The following AK9 variants were observed in gnomAD, a reference collection of about 807,000 sequenced individuals.
AK9 encodes adenylate kinase 9, also known as adenylate kinase domain containing 1.
AK9 carries 191 observed loss-of-function variants against 239.6 expected under a neutral mutation model. The observed-to-expected ratio is 0.80, with a 90% CI of 0.71 to 0.90. The LOEUF (loss-of-function observed/expected upper bound fraction) is 0.90, where lower values mean the gene tolerates loss of function less well. AK9 is among the 40% of genes least tolerant of loss of function. The probability of loss-of-function intolerance (pLI) is 0.00; values close to 1 mark genes in which losing one functional copy is unlikely to be tolerated. For missense variants in AK9, 1,995 were observed against 2,214.7 expected, an observed-to-expected ratio of 0.90 and a Z score of 1.99; for synonymous variants, 689 against 721.0, an observed-to-expected ratio of 0.96 and a Z score of 0.71.
intron 20 of AK9, 126 bp from the exon 21 acceptor site, chr6:109,573,720 TA>T (rs759924721): frequency 1.1e-5 from 9 of 855,010 alleles, no homozygotes; most frequent in African/African-American, 1.7e-5. Context: ...GTATGTAGTT[TA>T]ATGGGGGAGA....
chr6:109,647,980 T>C (rs1798318573), intron 8 of AK9, among the ~76,000 whole-genome samples: 1 of 152,142 alleles, frequency 6.6e-6, no homozygotes, highest in Non-Finnish European at 1.5e-5. Context: ...AACCTGCTCC[T>C]GAATGACTAC....
chr6:109,618,730 A>G (rs1794476702), intron 13 of AK9, among the ~76,000 whole-genome samples: 1 of 152,206 alleles, frequency 6.6e-6, no homozygotes, highest in Admixed American at 6.5e-5. Flanking sequence ...GGACTGCCAT[A>G]TAAGTCTAAA....
At chr6:109,509,464 T>A in intron 32 of AK9, 84 bp from the exon 33 acceptor site, 1 of 1,216,202 alleles carries the variant, frequency 8.2e-7, no homozygotes, top group Non-Finnish European at 1.1e-6. Flanking sequence ...GGGTATATTG[T>A]GTGATGCTCA....
Position 109,579,533 on chromosome 6 carries a change from T to C in AK9, c.2191+17A>G, listed in dbSNP as rs1788551221. ...CAATACCATGACACATCATCAGTCA[T>C]AGCAATCTGTGCTTGCCTTTTGCCT... On this transcript the variant is annotated intron_variant, in intron 20 of 40. Transcript: ENST00000424296. 5.2e-6 allele frequency: 8 copies of C among 1,546,750 alleles called. No individual in the cohort carries two copies. The highest frequency in any genetic ancestry group is 2.0e-5 in the Admixed American group (1 of 50,650).
At chr6:109,599,358 C>A (rs4945835) in intron 17 of AK9, among the ~76,000 whole-genome samples, 83,969 of 151,744 alleles carry the variant, frequency 0.55, 24,799 homozygotes, top group South Asian at 0.78. Context: ...TTGTTTTTGT[C>A]AGGTTTGTCA....
At chr6:109,495,975 C>T (rs1344778995) in intron 38 of AK9, among the ~76,000 whole-genome samples, 2 of 150,992 alleles carry the variant, frequency 1.3e-5, no homozygotes, top group African/African-American at 4.9e-5. Flanking sequence ...CTTCATAATT[C>T]CCCATTTAAA....
At chr6:109,572,053 G>C (rs997025411) in intron 21 of AK9, among the ~76,000 whole-genome samples, 2 of 152,132 alleles carry the variant, frequency 1.3e-5, no homozygotes, top group African/African-American at 4.8e-5. Context: ...TGATACAGCT[G>C]ATCTACCACC....
intron 32 of AK9, among the ~76,000 whole-genome samples, chr6:109,511,061 T>G (rs1778688303): frequency 1.8e-5 from 1 of 54,836 alleles, no homozygotes; most frequent in Non-Finnish European, 3.1e-5. Flanking sequence ...AATCTGCTTG[T>G]TTTTTTTTTT....
chr6:109,659,209 T>G lies in AK9; in HGVS notation c.630+19A>C, dbSNP rs544636678. 1.9e-6 allele frequency: 3 copies of G among 1,554,010 alleles called. No homozygotes were observed. The Admixed American group carries it at 6.3e-5, about 32-fold the overall frequency. ...TTTTAAAAAGTGTAGTGTATGGTAGTTACCTATTGAGATATTACCTCTTCT... is the reference window on the plus strand; with the variant it reads ...TTTTAAAAAGTGTAGTGTATGGTAGGTACCTATTGAGATATTACCTCTTCT... On this transcript the variant is annotated intron_variant, in intron 7 of 40. Transcript: ENST00000424296.
chr6:109,640,557 C>T (rs1216817418), intron 10 of AK9, among the ~76,000 whole-genome samples: 1 of 147,306 alleles, frequency 6.8e-6, no homozygotes, highest in Admixed American at 7.0e-5. Flanking sequence ...CCTATTTGGC[C>T]ATCTTGGAAC....
At position 109,533,440 on chromosome 6, in the gene AK9, T is replaced by TG. The variant is rs1321733501; in HGVS notation, c.3380dup (p.Arg1128ThrfsTer25). 1.9e-6 allele frequency: 3 copies of TG among 1,604,004 alleles called. No homozygotes were observed. The highest frequency in any genetic ancestry group is 1.7e-4 in the Middle Eastern group (1 of 6,006). On this transcript the variant is annotated frameshift_variant, in exon 28 of 41. Coordinates refer to ENST00000424296, the MANE Select transcript of AK9 (RefSeq NM_001145128.3). LOFTEE classifies it high-confidence loss of function. Reference sequence around the variant, plus strand: ...AAAACTGGGCCTCTTCTGGATATCGTGGGAAACCATCTAATATAAAACCTG... The same window carrying TG: ...AAAACTGGGCCTCTTCTGGATATCGTGGGGAAACCATCTAATATAAAACCTG...
intron 27 of AK9, among the ~76,000 whole-genome samples, chr6:109,538,003 C>T (rs553613059): frequency 2.0e-5 from 3 of 152,246 alleles, no homozygotes; most frequent in Non-Finnish European, 4.4e-5. Flanking sequence ...TTTACATTTG[C>T]TGAGGAGTTC....
intron 21 of AK9, among the ~76,000 whole-genome samples, chr6:109,568,268 G>A (rs779666488): frequency 8.5e-5 from 13 of 152,150 alleles, no homozygotes; most frequent in South Asian, 6.2e-4. Context: ...AGTTATTGAT[G>A]AGACGTATCT....
rs1554255494 is a variant in AK9 at position 109,559,175 on chromosome 6, T to TTG, written c.2751+4421_2751+4422insCA. Among the ~76,000 whole-genome samples, 744 of 150,882 alleles carry TTG rather than the reference T, an allele frequency of 4.9e-3. 4 individuals are homozygous for TTG. Among genetic ancestry groups the TTG allele is most frequent in the Admixed American group, 9.0e-3 (137 of 15,184 alleles). ...CCATGGTATATCTATCTGTTTTTTTTTTTGTTTTTTTGAGATGGGGTCTCT... is the reference window on the plus strand; with the variant it reads ...CCATGGTATATCTATCTGTTTTTTTTTGTTTGTTTTTTTGAGATGGGGTCTCT... On this transcript the variant is annotated intron_variant, in intron 24 of 40. Transcript: ENST00000424296.
chr6:109,499,565 G>T (rs11967927), intron 35 of AK9, among the ~76,000 whole-genome samples: 3,168 of 151,672 alleles, frequency 0.021, 99 homozygotes, highest in African/African-American at 0.073. Flanking sequence ...GTCAGTTATG[G>T]TCTTTGACCT....
At chr6:109,500,118 TA>T (rs1278929895) in intron 35 of AK9, among the ~76,000 whole-genome samples, 1 of 151,184 alleles carries the variant, frequency 6.6e-6, no homozygotes, top group African/African-American at 2.4e-5. Context: ...TTGCTACATT[TA>T]AAAAAAACCT....
At chr6:109,623,906 TTTC>T (rs1014066349) in intron 12 of AK9, among the ~76,000 whole-genome samples, 2 of 115,666 alleles carry the variant, frequency 1.7e-5, no homozygotes, top group Non-Finnish European at 3.7e-5. Flanking sequence ...CACACACACA[TTTC>T]TTCTCCCACA....
chr6:109,648,830 C>T (rs1467072552), intron 8 of AK9, among the ~76,000 whole-genome samples: 2 of 152,118 alleles, frequency 1.3e-5, no homozygotes, highest in African/African-American at 4.8e-5. Context: ...AACATCGATG[C>T]AAAAATCCTC....
At chr6:109,558,161 T>C (rs1310437367) in intron 24 of AK9, among the ~76,000 whole-genome samples, 3 of 152,228 alleles carry the variant, frequency 2.0e-5, no homozygotes, top group Non-Finnish European at 4.4e-5. Context: ...GATATGTGAT[T>C]TGTAAATATT....
Sources: allele counts gnomAD v4.1 joint callset (sites outside exome capture counted in the v4.1 genomes callset), GRCh38; gene constraint gnomAD v4.1.1; transcripts MANE v1.5; gene names NCBI Gene and HGNC (gene_info 2026-07-23, HGNC 2026-07-21).